The following MAML2 variants were observed in gnomAD, a reference collection of about 807,000 sequenced individuals.
MAML2 encodes the protein mastermind like transcriptional coactivator 2, also known as mastermind-like protein 2.
Under a neutral mutation model 96.1 loss-of-function variants are expected in MAML2, and 22 were observed. That is an observed-to-expected ratio of 0.23 (90% CI 0.16 to 0.33). The LOEUF (loss-of-function observed/expected upper bound fraction) is 0.33. Ranked by LOEUF, MAML2 falls within the 10% of genes least tolerant of loss-of-function variation. The probability of loss-of-function intolerance (pLI) is 1.00; values close to 1 mark genes in which losing one functional copy is unlikely to be tolerated. For missense variants in MAML2, 1,367 were observed against 1,392.4 expected, an observed-to-expected ratio of 0.98 and a Z score of 0.29; for synonymous variants, 561 against 521.3, an observed-to-expected ratio of 1.08 and a Z score of -1.04.
intron 1 of MAML2, among the ~76,000 whole-genome samples, chr11:96,245,912 T>G (rs1282389466): frequency 6.6e-6 from 1 of 151,964 alleles, no homozygotes; most frequent in East Asian, 1.9e-4. Flanking sequence ...ACCATGTTGG[T>G]CAGCCTGGTT....
At position 95,991,577 on chromosome 11, in the gene MAML2, C is replaced by A. The variant is rs1057422520; in HGVS notation, c.2286G>T (p.Arg762Ser). The A allele has an allele frequency of 2.5e-6, 4 of 1,613,690 alleles. No homozygotes were observed. In the African/African-American group the frequency reaches 4.0e-5, roughly 16 times the overall value. ...GTTGCTGTTTCTGCTCCATGATCTG[C>A]CTCTGTAGAGTCTGCTTCTTTCCCA... The part of the protein sequence containing the change: ...QLMGKKQTLQ[R>S]QIMEQKQQLL... Residue 762 changes from arginine (R) to serine (S), a missense_variant, in exon 3 of 5, where the codon AGG (arginine) becomes AGT (serine). By Grantham distance (110) the Arg-to-Ser change is moderately radical (BLOSUM62 -1). Coordinates refer to ENST00000524717, the MANE Select transcript of MAML2 (RefSeq NM_032427.4).
intron 2 of MAML2, among the ~76,000 whole-genome samples, chr11:96,035,524 G>T (rs1009459489): frequency 2.6e-5 from 4 of 152,280 alleles, no homozygotes; most frequent in Admixed American, 2.6e-4. Flanking sequence ...AAATAGTATC[G>T]TGGTAACCCA....
intron 1 of MAML2, among the ~76,000 whole-genome samples, chr11:96,295,446 G>A (rs1863280093): frequency 6.6e-6 from 1 of 152,152 alleles, no homozygotes; most frequent in African/African-American, 2.4e-5. Context: ...AACAGAAGTT[G>A]ACGCACGCTA....
chr11:96,236,518 G>T (rs1218905381), intron 1 of MAML2, among the ~76,000 whole-genome samples: 1 of 152,162 alleles, frequency 6.6e-6, no homozygotes, highest in African/African-American at 2.4e-5. Flanking sequence ...CTCTGAGCCA[G>T]AAATCATTCG....
At position 96,042,166 on chromosome 11, in the gene MAML2, C is replaced by T. The variant is rs562691153; in HGVS notation, c.2139+49726G>A. On this transcript the variant is annotated intron_variant, in intron 2 of 4. Transcript: ENST00000524717. ...TAATTTTTTGTATTTTTAGTAGAGA[C>T]GAGGTTTTACCGTGTTAGCCAGGAT... Among the ~76,000 whole-genome samples the T allele has an allele frequency of 1.2e-4, 19 of 152,184 alleles. No homozygotes were observed. In the South Asian group the frequency reaches 2.7e-3, roughly 22 times the overall value.
intron 1 of MAML2, among the ~76,000 whole-genome samples, chr11:96,145,823 C>T (rs990488286): frequency 3.9e-5 from 6 of 152,176 alleles, no homozygotes; most frequent in African/African-American, 1.4e-4. Context: ...GCCTGGCCAA[C>T]ATGGCGAAAC....
chr11:96,125,946 G>A lies in MAML2; in HGVS notation c.514-32429C>T, dbSNP rs144034918. Reference sequence around the variant, plus strand: ...TTGTGCTAGTGGGCAGAACAAGAGTGGCAAAGAGGCCCATTATGGTCCCTG... The same window carrying A: ...TTGTGCTAGTGGGCAGAACAAGAGTAGCAAAGAGGCCCATTATGGTCCCTG... On this transcript the variant is annotated intron_variant, in intron 1 of 4. Transcript: ENST00000524717. Among the ~76,000 whole-genome samples the A allele has an allele frequency of 2.2e-3, 333 of 152,262 alleles. 3 individuals are homozygous for A. The highest frequency in any genetic ancestry group is 7.6e-3 in the African/African-American group (314 of 41,550).
chr11:96,237,488 T>G (rs991936276), intron 1 of MAML2, among the ~76,000 whole-genome samples: 4 of 152,188 alleles, frequency 2.6e-5, no homozygotes, highest in Admixed American at 2.6e-4. Context: ...TTCACAGGAG[T>G]TGATTTTCTA....
At chr11:96,063,124 C>G (rs1859193707) in intron 2 of MAML2, among the ~76,000 whole-genome samples, 1 of 152,156 alleles carries the variant, frequency 6.6e-6, no homozygotes, top group African/African-American at 2.4e-5. Flanking sequence ...TACATTCCTG[C>G]TGTCTCACTT....
chr11:96,313,866 T>C (rs1863587970), intron 1 of MAML2, among the ~76,000 whole-genome samples: 1 of 152,218 alleles, frequency 6.6e-6, no homozygotes, highest in Non-Finnish European at 1.5e-5. Flanking sequence ...TTTGGATTTT[T>C]CGACATTTGA....
intron 1 of MAML2, among the ~76,000 whole-genome samples, chr11:96,288,866 T>G (rs1462964494): frequency 2.0e-5 from 3 of 152,216 alleles, no homozygotes; most frequent in Non-Finnish European, 4.4e-5. Context: ...AATCACATCT[T>G]TAAAGTCAAA....
intron 1 of MAML2, among the ~76,000 whole-genome samples, chr11:96,156,013 T>C (rs1056801736): frequency 3.3e-5 from 5 of 152,144 alleles, no homozygotes; most frequent in African/African-American, 9.7e-5. Context: ...AGGAAAAGTG[T>C]TGTGCTGACC....
intron 2 of MAML2, among the ~76,000 whole-genome samples, chr11:96,067,759 C>G (rs544811188): frequency 1.4e-4 from 21 of 152,258 alleles, no homozygotes; most frequent in African/African-American, 4.8e-4. Flanking sequence ...CAACGCATAT[C>G]CGTGACTGCC....
At chr11:96,329,185 G>GAA (rs1042714740) in intron 1 of MAML2, among the ~76,000 whole-genome samples, 1 of 151,214 alleles carries the variant, frequency 6.6e-6, no homozygotes, top group African/African-American at 2.4e-5. Flanking sequence ...AGGATCTGGG[G>GAA]AAAAAAAATC....
Position 96,066,963 on chromosome 11 carries a change from C to T in MAML2, c.2139+24929G>A, listed in dbSNP as rs145256955. 1.0e-2 allele frequency among the ~76,000 whole-genome samples: 1,517 copies of T among 152,146 alleles called. 26 individuals are homozygous for T. Among genetic ancestry groups the T allele is most frequent in the African/African-American group, 0.034 (1,425 of 41,508 alleles). ...CTGGAGGATAGAGAAATAGAGAGAG[C>T]GGAGGGAGCTGTGGTAGGAGCAGTG... On this transcript the variant is annotated intron_variant, in intron 2 of 4. Coordinates refer to ENST00000524717, the MANE Select transcript of MAML2 (RefSeq NM_032427.4).
rs186669423 is a variant in MAML2 at position 96,079,089 on chromosome 11, G to T, written c.2139+12803C>A. On this transcript the variant is annotated intron_variant, in intron 2 of 4. Coordinates refer to ENST00000524717, the MANE Select transcript of MAML2 (RefSeq NM_032427.4). ...AAAAACCAAAATTCACCAGAGAGAAGGGCAAAACCACCAACATATTTTCAG... is the reference window on the plus strand; with the variant it reads ...AAAAACCAAAATTCACCAGAGAGAATGGCAAAACCACCAACATATTTTCAG... Among the ~76,000 whole-genome samples, 3 of 152,248 alleles carry T rather than the reference G, an allele frequency of 2.0e-5. No individual in the cohort carries two copies. The East Asian group carries it at 5.8e-4, about 29-fold the overall frequency.
intron 2 of MAML2, among the ~76,000 whole-genome samples, chr11:96,051,050 T>TAG (rs1858982291): frequency 6.4e-5 from 8 of 124,384 alleles, no homozygotes; most frequent in Non-Finnish European, 1.5e-4. Context: ...CATGTTGGTT[T>TAG]AGTGTCATTT....
At chr11:96,051,412 A>G (rs929575692) in intron 2 of MAML2, among the ~76,000 whole-genome samples, 1 of 152,158 alleles carries the variant, frequency 6.6e-6, no homozygotes, top group Non-Finnish European at 1.5e-5. Flanking sequence ...TTTAATCCTT[A>G]ATAAGAATTC....
intron 1 of MAML2, among the ~76,000 whole-genome samples, chr11:96,156,154 A>C (rs1861007866): frequency 6.6e-6 from 1 of 152,108 alleles, no homozygotes. Context: ...CCACATGGTC[A>C]GACTCTCTCC....
Sources: gnomAD v4.1 joint callset for allele counts (sites outside exome capture counted in the v4.1 genomes callset) on GRCh38, gnomAD v4.1.1 for gene constraint, MANE v1.5 for transcripts, NCBI Gene and HGNC (gene_info 2026-07-23, HGNC 2026-07-21) for gene names.